The following LYST variants were observed in gnomAD, a reference collection of about 807,000 sequenced individuals.
LYST encodes the protein lysosomal trafficking regulator.
LYST carries 192 observed loss-of-function variants against 413.6 expected under a neutral mutation model. The observed-to-expected ratio is 0.46, with a 90% CI of 0.41 to 0.52. LYST has a LOEUF of 0.52. Ranked by LOEUF, LYST falls within the 20% of genes least tolerant of loss-of-function variation. The pLI is 0.00. For synonymous variants in LYST, 1,525 were observed against 1,567.3 expected, an observed-to-expected ratio of 0.97 and a Z score of 0.64; for missense variants, 3,815 against 4,499.9, an observed-to-expected ratio of 0.85 and a Z score of 4.35.
chr1:235,729,786 C>T, intron 36 of LYST, 129 bp from the exon 37 acceptor site: 1 of 690,022 alleles, frequency 1.4e-6, no homozygotes, highest in Non-Finnish European at 2.6e-6. Flanking sequence ...CATGAGGTAT[C>T]TTGTCGAAAC....
At chr1:235,803,367 AC>A (rs1672453406) in intron 7 of LYST, among the ~76,000 whole-genome samples, 1 of 152,174 alleles carries the variant, frequency 6.6e-6, no homozygotes, top group African/African-American at 2.4e-5. Context: ...ACAAAAAACC[AC>A]AATGTGGTAA....
At chr1:235,713,205 T>A in intron 42 of LYST, 1 of 985,228 alleles carries the variant, frequency 1.0e-6, no homozygotes, top group Non-Finnish European at 1.2e-6. Flanking sequence ...TAGAAACATT[T>A]ACTTTTTCTC....
intron 1 of LYST, among the ~76,000 whole-genome samples, chr1:235,855,366 A>G (rs1010355319): frequency 6.6e-6 from 1 of 152,154 alleles, no homozygotes; most frequent in Non-Finnish European, 1.5e-5. Flanking sequence ...GCTCTGAGAA[A>G]CAGACACATT....
chr1:235,806,931 T>A (rs576491982), intron 5 of LYST, among the ~76,000 whole-genome samples, 159 bp from the exon 6 acceptor site: 4 of 152,222 alleles, frequency 2.6e-5, no homozygotes, highest in Non-Finnish European at 5.9e-5. Context: ...TAGTTAGATA[T>A]AATTAGGACC....
chr1:235,810,180 T>G lies in LYST; in HGVS notation c.638A>C (p.Gln213Pro), dbSNP rs1357656932. Residue 213 changes from glutamine (Q) to proline (P), a missense_variant, in exon 5 of 53, where the codon CAG becomes CCG. Gln to Pro is a moderately conservative substitution (Grantham distance 76). This residue lies in a region of LYST where 1,648 missense variants were observed against 1,810.3 expected (regional missense o/e 0.91). Transcript: ENST00000389793. Reference protein sequence around the residue: ...AKLDRLATKEQTPPDAMALEN... With the variant: ...AKLDRLATKEPTPPDAMALEN... Reference sequence around the variant, plus strand: ...CAAAGCCATAGCATCTGGAGGAGTCTGTTCTTTGGTTGCTAAGCGGTCAAG... The same window carrying G: ...CAAAGCCATAGCATCTGGAGGAGTCGGTTCTTTGGTTGCTAAGCGGTCAAG... 6.2e-7 allele frequency: 1 copy of G among 1,614,172 alleles called. No individual in the cohort carries two copies. Among genetic ancestry groups the G allele is most frequent in the Non-Finnish European group, 8.5e-7 (1 of 1,179,998 alleles).
Position 235,781,912 on chromosome 1 carries a change from T to G in LYST, c.5023+15A>C. 6.4e-7 allele frequency: 1 copy of G among 1,571,894 alleles called. No homozygotes were observed. Among genetic ancestry groups the G allele is most frequent in the African/African-American group, 1.3e-5 (1 of 74,234 alleles). ...CCCAGGCTGAAGTGCAGTGGTGCAA[T>G]CATAGCTCACTCACCGTTGAAGAGA... On this transcript the variant is annotated intron_variant, in intron 15 of 52. Coordinates refer to ENST00000389793, the MANE Select transcript of LYST (RefSeq NM_000081.4).
chr1:235,714,822 A>G (rs1455649817), intron 42 of LYST, among the ~76,000 whole-genome samples: 1 of 152,228 alleles, frequency 6.6e-6, no homozygotes, highest in Non-Finnish European at 1.5e-5. Context: ...ATAAACTGCA[A>G]TAATGTACAT....
At chr1:235,711,002 G>GCAA (rs1389757933) in intron 43 of LYST, among the ~76,000 whole-genome samples, 1 of 152,260 alleles carries the variant, frequency 6.6e-6, no homozygotes, top group East Asian at 1.9e-4. Context: ...AAACCTGAAG[G>GCAA]CAACAGCATG....
chr1:235,759,212 T>G lies in LYST; in HGVS notation c.6641A>C (p.Glu2214Ala). The change falls in exon 23 of 53, where the codon GAA becomes GCA. Residue 2214 changes from glutamate (E) to alanine (A), a missense_variant. Coordinates refer to ENST00000389793, the MANE Select transcript of LYST (RefSeq NM_000081.4). ...GGACTCATCCCCAGGACTGTCATCTTCTGACCTGGGTTCTGCTCCCAACTG... is the reference window on the plus strand; with the variant it reads ...GGACTCATCCCCAGGACTGTCATCTGCTGACCTGGGTTCTGCTCCCAACTG... ...HKQLGAEPRS[E>A]DDSPGDESCP... 1 of 1,614,204 alleles carries G rather than the reference T, an allele frequency of 6.2e-7. No individual in the cohort carries two copies. Among genetic ancestry groups the G allele is most frequent in the South Asian group, 1.1e-5 (1 of 91,090 alleles).
chr1:235,850,326 T>C (rs532955646), intron 1 of LYST, among the ~76,000 whole-genome samples: 6 of 152,226 alleles, frequency 3.9e-5, no homozygotes, highest in South Asian at 2.1e-4. Context: ...TAGCCGCATG[T>C]AGGAGAATGA....
At chr1:235,837,316 C>T (rs573000304) in intron 1 of LYST, among the ~76,000 whole-genome samples, 1 of 152,168 alleles carries the variant, frequency 6.6e-6, no homozygotes, top group South Asian at 2.1e-4. Context: ...AAAAGAGTAA[C>T]CAATGCTATC....
At chr1:235,776,129 G>A (rs1465845711) in intron 17 of LYST, among the ~76,000 whole-genome samples, 1 of 151,946 alleles carries the variant, frequency 6.6e-6, no homozygotes, top group Non-Finnish European at 1.5e-5. Context: ...ACAAAATATT[G>A]GTGAGGAGTT....
At position 235,693,416 on chromosome 1, in the gene LYST, A is replaced by G; in HGVS notation, c.10635T>C (p.Ile3545=). ...AILSWGYADN[I]LRLKSKQSEP... Reference sequence around the variant, plus strand: ...CACTTTGTTTACTCTTCAACCTTAAAATATTATCAGCATATCCCCAGCTCA... The same window carrying G: ...CACTTTGTTTACTCTTCAACCTTAAGATATTATCAGCATATCCCCAGCTCA... Residue 3545 remains isoleucine (I), a synonymous_variant, in exon 47 of 53, where the codon ATT becomes ATC. Coordinates refer to ENST00000389793, the MANE Select transcript of LYST (RefSeq NM_000081.4). 6.2e-7 allele frequency: 1 copy of G among 1,613,816 alleles called. No homozygotes were observed. The highest frequency in any genetic ancestry group is 8.5e-7 in the Non-Finnish European group (1 of 1,179,690).
At chr1:235,747,058 A>C in intron 28 of LYST, 1 of 265,880 alleles carries the variant, frequency 3.8e-6, no homozygotes, top group South Asian at 3.8e-5. Flanking sequence ...TTGTTATTAA[A>C]ATGATTTAAA....
chr1:235,677,052 C>T (rs756888276), intron 50 of LYST, 39 bp downstream of exon 50: 2 of 1,471,302 alleles, frequency 1.4e-6, no homozygotes, highest in South Asian at 1.1e-5. Context: ...GCTGTTAGAG[C>T]ACCAGCCAGC....
chr1:235,860,958 T>C (rs967651137), intron 1 of LYST, among the ~76,000 whole-genome samples: 1 of 152,222 alleles, frequency 6.6e-6, no homozygotes, highest in Non-Finnish European at 1.5e-5. Context: ...TACTTTTTTT[T>C]TCTTTTTGGT....
chr1:235,852,212 G>GA (rs145244254), intron 1 of LYST, among the ~76,000 whole-genome samples: 2,181 of 152,288 alleles, frequency 0.014, 53 homozygotes, highest in African/African-American at 0.049. Flanking sequence ...TTTAACTACA[G>GA]ACCCTACAGA....
chr1:235,862,848 C>A (rs7513729), intron 1 of LYST, among the ~76,000 whole-genome samples: 1 of 146,394 alleles, frequency 6.8e-6, no homozygotes, highest in African/African-American at 2.6e-5. Flanking sequence ...CACACACACA[C>A]CCCTTCAAGA....
At chr1:235,817,906 C>T (rs901423739) in intron 3 of LYST, among the ~76,000 whole-genome samples, 1 of 152,062 alleles carries the variant, frequency 6.6e-6, no homozygotes, top group Non-Finnish European at 1.5e-5. Flanking sequence ...ATGATCTATT[C>T]ATTAAGAGTT....
Sources: allele counts gnomAD v4.1 joint callset (sites outside exome capture counted in the v4.1 genomes callset), GRCh38; gene constraint gnomAD v4.1.1; regional missense constraint gnomAD v4.1.1; transcripts MANE v1.5; gene names NCBI Gene and HGNC (gene_info 2026-07-23, HGNC 2026-07-21).